NOVA1: variants seen among roughly 807,000 people sequenced by gnomAD.
NOVA1 encodes the protein NOVA alternative splicing regulator 1, also known as RNA-binding protein Nova-1.
In NOVA1, 7 loss-of-function variants were observed where a neutral mutation model predicts 38.0. The observed-to-expected ratio is 0.18, with a 90% CI of 0.10 to 0.35. NOVA1 has a LOEUF of 0.35. NOVA1 is among the 10% of genes least tolerant of loss of function. NOVA1 has a pLI of 1.00. For synonymous variants in NOVA1, 270 were observed against 232.5 expected (o/e 1.16, Z -1.47); for missense variants, 460 against 616.0 (o/e 0.75, Z 2.68).
rs371217972 is a variant in NOVA1 at position 26,524,417 on chromosome 14, G to T, written c.281-44274C>A. On this transcript the variant is annotated intron_variant, in intron 2 of 4. Coordinates refer to ENST00000539517, the MANE Select transcript of NOVA1 (RefSeq NM_002515.3). ...TCACATAGAACAATGTAATCCACAA[G>T]ACAAATGGCTCAAATGATATGTTCC... Among the ~76,000 whole-genome samples, 11 of 152,212 alleles carry T rather than the reference G, an allele frequency of 7.2e-5. No homozygotes were observed. In the East Asian group the frequency reaches 1.5e-3, roughly 21 times the overall value.
rs569998658 is a variant in NOVA1, at chr14:26,497,016, T to C, written c.281-16873A>G. On this transcript the variant is annotated intron_variant, in intron 2 of 4. Transcript: ENST00000539517. Reference sequence around the variant, plus strand: ...CCAAATGAACTTTGAAGTAGTTTTTTCCAATTCTGTGAAGAAAGTCATTGG... The same window carrying C: ...CCAAATGAACTTTGAAGTAGTTTTTCCCAATTCTGTGAAGAAAGTCATTGG... Among the ~76,000 whole-genome samples the C allele has an allele frequency of 3.3e-5, 5 of 152,282 alleles. No individual in the cohort carries two copies. The East Asian group carries it at 9.6e-4, about 29-fold the overall frequency.
chr14:26,577,833 T>C (rs1892958468), intron 2 of NOVA1, among the ~76,000 whole-genome samples: 1 of 152,110 alleles, frequency 6.6e-6, no homozygotes, highest in South Asian at 2.1e-4. Context: ...AGAAGTGATA[T>C]AAAGCAGGCA....
chr14:26,579,578 A>G (rs535456282), intron 2 of NOVA1, among the ~76,000 whole-genome samples: 10 of 152,184 alleles, frequency 6.6e-5, no homozygotes, highest in Non-Finnish European at 1.5e-4. Flanking sequence ...TTTAGTATGT[A>G]AGTAATATTT....
At chr14:26,473,414 A>C (rs948284043) in intron 3 of NOVA1, among the ~76,000 whole-genome samples, 3 of 151,930 alleles carry the variant, frequency 2.0e-5, no homozygotes, top group Admixed American at 1.3e-4. Flanking sequence ...ATAGGTTTTT[A>C]TATTGAAGAT....
intron 2 of NOVA1, among the ~76,000 whole-genome samples, chr14:26,502,132 C>A (rs1887285766): frequency 6.6e-6 from 1 of 151,810 alleles, no homozygotes; most frequent in Non-Finnish European, 1.5e-5. Flanking sequence ...GAGGAACTAA[C>A]TAGTTCCTTC....
chr14:26,537,538 C>T (rs1466007506), intron 2 of NOVA1, among the ~76,000 whole-genome samples: 1 of 151,894 alleles, frequency 6.6e-6, no homozygotes, highest in Admixed American at 6.6e-5. Context: ...AAATGAGAGA[C>T]AATTGGCAAA....
At chr14:26,505,069 T>C (rs1415612459) in intron 2 of NOVA1, among the ~76,000 whole-genome samples, 1 of 152,084 alleles carries the variant, frequency 6.6e-6, no homozygotes, top group Non-Finnish European at 1.5e-5. Flanking sequence ...GAGAGAGGCC[T>C]GTAGTAAATC....
intron 2 of NOVA1, among the ~76,000 whole-genome samples, chr14:26,561,416 A>C (rs914212931): frequency 6.6e-5 from 10 of 152,366 alleles, no homozygotes; most frequent in African/African-American, 2.4e-4. Context: ...ATTTGTGAGT[A>C]GAGGTAACAG....
intron 3 of NOVA1, among the ~76,000 whole-genome samples, chr14:26,474,573 T>G (rs1477237730): frequency 6.6e-6 from 1 of 151,966 alleles, no homozygotes; most frequent in Non-Finnish European, 1.5e-5. Flanking sequence ...TCATCAAAAT[T>G]ATCCCTAATA....
intron 2 of NOVA1, among the ~76,000 whole-genome samples, chr14:26,531,549 G>A (rs555078846): frequency 6.6e-6 from 1 of 152,172 alleles, no homozygotes; most frequent in African/African-American, 2.4e-5. Context: ...GGAGGTTGCC[G>A]TGAGCCGAGA....
At chr14:26,596,795 T>C (rs942624735) in intron 1 of NOVA1, 33 of 1,168,574 alleles carry the variant, frequency 2.8e-5, no homozygotes, top group African/African-American at 4.9e-5. Context: ...CATCAAGATT[T>C]TGCATACTAC....
intron 2 of NOVA1, among the ~76,000 whole-genome samples, chr14:26,509,467 TAA>T (rs1887892874): frequency 6.6e-6 from 1 of 152,096 alleles, no homozygotes; most frequent in Non-Finnish European, 1.5e-5. Flanking sequence ...AAAGGAAGAT[TAA>T]AAGTTACCTC....
chr14:26,448,149 A>G lies in NOVA1; in HGVS notation c.1334T>C (p.Val445Ala). Residue 445 changes from valine to alanine, a missense_variant, in exon 5 of 5, where the codon GTG (valine) becomes GCG (alanine). Physicochemically the swap from Val to Ala is moderately conservative, Grantham distance 64 (BLOSUM62 0). Transcript: ENST00000539517. The surrounding 1 kb of genome is among the most constrained non-coding windows in gnomAD (Gnocchi z 5.3). ...AILGKGGKTL[V>A]EYQELTGARI... ...TGCACCAGTCAACTCCTGGTATTCC[A>G]CTAATGTTTTCCCTCCTTTGCCAAG... The G allele has an allele frequency of 6.2e-7, 1 of 1,614,122 alleles. No individual in the cohort carries two copies. The highest frequency in any genetic ancestry group is 8.5e-7 in the Non-Finnish European group (1 of 1,180,032).
chr14:26,541,739 T>C (rs554068628), intron 2 of NOVA1, among the ~76,000 whole-genome samples: 2 of 151,704 alleles, frequency 1.3e-5, no homozygotes, highest in South Asian at 2.1e-4. Context: ...AAATAGAATG[T>C]TTGAATTATT....
At chr14:26,544,606 CTT>C (rs1293757271) in intron 2 of NOVA1, among the ~76,000 whole-genome samples, 2 of 151,750 alleles carry the variant, frequency 1.3e-5, no homozygotes, top group Non-Finnish European at 2.9e-5. Flanking sequence ...GAATTTAAAA[CTT>C]TAATTCATTA....
intron 2 of NOVA1, among the ~76,000 whole-genome samples, chr14:26,506,812 TCA>T (rs1887670043): frequency 6.6e-6 from 1 of 152,076 alleles, no homozygotes. Context: ...ACTCCTGACC[TCA>T]GGTGATCCAC....
Position 26,578,532 on chromosome 14 carries a change from C to A in NOVA1, c.280+16878G>T, listed in dbSNP as rs146265387. 4.9e-4 allele frequency among the ~76,000 whole-genome samples: 74 copies of A among 152,040 alleles called. No individual in the cohort carries two copies. In the East Asian group the frequency reaches 0.014, roughly 28 times the overall value. On this transcript the variant is annotated intron_variant, in intron 2 of 4. Coordinates refer to ENST00000539517, the MANE Select transcript of NOVA1 (RefSeq NM_002515.3). ...AGTAGAGGTAGGCCTTTGCTAGGCA[C>A]ATAGTTTAACAAAATAGTAAAAGTA... is the stretch of plus-strand genomic sequence containing the variant.
At chr14:26,452,672 G>C (rs535906316) in intron 4 of NOVA1, among the ~76,000 whole-genome samples, 7 of 152,152 alleles carry the variant, frequency 4.6e-5, no homozygotes, top group Admixed American at 6.5e-5. Context: ...CGGGAGAAAA[G>C]AACTGATCTT....
intron 2 of NOVA1, among the ~76,000 whole-genome samples, chr14:26,572,531 T>G (rs1416042606): frequency 6.6e-6 from 1 of 152,160 alleles, no homozygotes; most frequent in Non-Finnish European, 1.5e-5. Flanking sequence ...TCAATAAAGG[T>G]GACATGGTCT....
Sources: allele counts gnomAD v4.1 joint callset (sites outside exome capture counted in the v4.1 genomes callset), GRCh38; gene constraint gnomAD v4.1.1; non-coding constraint Gnocchi (gnomAD v3.1); transcripts MANE v1.5; gene names NCBI Gene and HGNC (gene_info 2026-07-23, HGNC 2026-07-21).